The following RHPN2 variants were observed in gnomAD, a reference collection of about 807,000 sequenced individuals.
RHPN2 encodes the protein rhophilin-2.
Under a neutral mutation model 79.0 loss-of-function variants are expected in RHPN2, and 40 were observed. The observed-to-expected ratio is 0.51, with a 90% CI of 0.39 to 0.66. RHPN2 has a LOEUF of 0.66. RHPN2 is among the 30% of genes least tolerant of loss of function. RHPN2 has a pLI of 0.00. For missense variants in RHPN2, 686 were observed against 883.5 expected, an observed-to-expected ratio of 0.78 and a Z score of 2.83; for synonymous variants, 285 against 363.5, an observed-to-expected ratio of 0.78 and a Z score of 2.46.
intron 1 of RHPN2, among the ~76,000 whole-genome samples, chr19:33,048,970 T>C (rs1972166222): frequency 6.6e-6 from 1 of 152,118 alleles, no homozygotes; most frequent in Non-Finnish European, 1.5e-5. Flanking sequence ...GAATGTTTTT[T>C]TTTCTGTTCG....
chr19:33,019,184 C>A (rs1202947942), intron 4 of RHPN2, among the ~76,000 whole-genome samples: 1 of 152,140 alleles, frequency 6.6e-6, no homozygotes, highest in Non-Finnish European at 1.5e-5. Flanking sequence ...GTGGCTCATG[C>A]CTATAATCCC....
intron 10 of RHPN2, 51 bp from the exon 11 acceptor site, chr19:32,996,271 C>T: frequency 6.2e-7 from 1 of 1,603,534 alleles, no homozygotes; most frequent in South Asian, 1.1e-5. Context: ...CCAAGCAGAG[C>T]ATAAAGGCCC....
chr19:33,013,952 G>A (rs1325520055), intron 4 of RHPN2, among the ~76,000 whole-genome samples: 1 of 151,868 alleles, frequency 6.6e-6, no homozygotes, highest in Non-Finnish European at 1.5e-5. Context: ...GCGGCTCACT[G>A]CAGCCTCAAC....
chr19:33,046,091 C>CCATTCATCATTCATCATTCAT (rs61259305), intron 1 of RHPN2, among the ~76,000 whole-genome samples: 1 of 151,452 alleles, frequency 6.6e-6, no homozygotes, highest in Non-Finnish European at 1.5e-5. Flanking sequence ...TGTACTTTAT[C>CCATTCATCATTCATCATTCAT]CATTCATCAT....
At chr19:33,042,035 T>C (rs1283435755) in intron 2 of RHPN2, among the ~76,000 whole-genome samples, 1 of 151,840 alleles carries the variant, frequency 6.6e-6, no homozygotes, top group Non-Finnish European at 1.5e-5. Context: ...CTTTAAAAAA[T>C]TCAATTAGCC....
chr19:33,059,087 T>C (rs914059017), intron 1 of RHPN2, among the ~76,000 whole-genome samples: 2 of 150,316 alleles, frequency 1.3e-5, no homozygotes, highest in Non-Finnish European at 2.9e-5. Context: ...AGAGCAAGAC[T>C]CTGTCTCAAA....
chr19:33,055,746 A>AAC (rs1555715193), intron 1 of RHPN2, among the ~76,000 whole-genome samples: 39 of 150,874 alleles, frequency 2.6e-4, no homozygotes, highest in Admixed American at 1.1e-3. Flanking sequence ...AAAAAAAAAA[A>AAC]AACAACAACA....
Position 32,979,714 on chromosome 19 carries a change from T to G in RHPN2, c.*282A>C. The G allele has an allele frequency of 2.5e-6, 1 of 401,650 alleles. No individual in the cohort carries two copies. Among genetic ancestry groups the G allele is most frequent in the South Asian group, 2.9e-5 (1 of 34,678 alleles). 24.9% of individuals were successfully genotyped at this position (401,650 alleles called of 1,614,324 possible). On this transcript the variant is annotated 3_prime_UTR_variant, in exon 15 of 15. Coordinates refer to ENST00000254260, the MANE Select transcript of RHPN2 (RefSeq NM_033103.5). The stretch of plus-strand genomic sequence containing the variant: ...AAGTCATAATTGTCACCATTAAAAA[T>G]AGCCATATTTCATATCTTCAACACT...
intron 1 of RHPN2, among the ~76,000 whole-genome samples, chr19:33,054,248 C>G (rs1000776864): frequency 6.8e-6 from 1 of 147,550 alleles, no homozygotes; most frequent in African/African-American, 2.5e-5. Flanking sequence ...CCCAGCAGGC[C>G]GGAGTGCAGT....
At chr19:33,047,808 A>G (rs1972153944) in intron 1 of RHPN2, among the ~76,000 whole-genome samples, 1 of 152,138 alleles carries the variant, frequency 6.6e-6, no homozygotes, top group Non-Finnish European at 1.5e-5. Context: ...GCACTTTGAG[A>G]GGCTGAGGCC....
At chr19:33,008,269 A>G (rs1481844306) in intron 6 of RHPN2, 89 bp from the exon 7 acceptor site, 2 of 1,153,212 alleles carry the variant, frequency 1.7e-6, no homozygotes, top group Admixed American at 4.1e-5. Flanking sequence ...TTTTTTTTTA[A>G]GAGTCAATAT....
intron 6 of RHPN2, among the ~76,000 whole-genome samples, chr19:33,008,456 T>C (rs911475694): frequency 6.6e-6 from 1 of 151,614 alleles, no homozygotes; most frequent in African/African-American, 2.4e-5. Flanking sequence ...ATGGGGTCTA[T>C]GTTACCCAAA....
Position 32,979,563 on chromosome 19 carries a change from A to G in RHPN2, c.*433T>C, listed in dbSNP as rs1477991287. The G allele has an allele frequency of 5.7e-6, 1 of 174,270 alleles. No individual in the cohort carries two copies. Among genetic ancestry groups the G allele is most frequent in the Non-Finnish European group, 1.2e-5 (1 of 80,994 alleles). 10.8% of individuals were successfully genotyped at this position (174,270 alleles called of 1,614,324 possible). A position where few individuals can be genotyped will look rare whatever the true frequency, so the allele number is the denominator to read the frequency against. On this transcript the variant is annotated 3_prime_UTR_variant, in exon 15 of 15. Transcript: ENST00000254260. ...GTGACACTAATTTAATTCTATCATT[A>G]CAGTCCTCTGACCTGCCTTAATTCC...
At chr19:33,012,784 A>G in intron 4 of RHPN2, 60 bp from the exon 5 acceptor site, 1 of 924,524 alleles carries the variant, frequency 1.1e-6, no homozygotes, top group Middle Eastern at 2.1e-4. Flanking sequence ...TGTGTGCATA[A>G]TAGTAATATG....
chr19:33,037,609 GGAACAACTCCAGAC>G (rs528134177), intron 2 of RHPN2, among the ~76,000 whole-genome samples: 145 of 152,190 alleles, frequency 9.5e-4, no homozygotes, highest in Admixed American at 1.6e-3. Flanking sequence ...CCGGGAGGAA[GGAACAACTCCAGAC>G]GAACAACTCC....
intron 14 of RHPN2, among the ~76,000 whole-genome samples, chr19:32,989,505 G>A (rs1971637991): frequency 6.6e-6 from 1 of 152,178 alleles, no homozygotes; most frequent in African/African-American, 2.4e-5. Context: ...ACTGCCTCTA[G>A]GGCGTACAGA....
rs71176188 is a variant in RHPN2 at position 33,057,695 on chromosome 19, GA to G, written c.69+7088del. Among the ~76,000 whole-genome samples the G allele has an allele frequency of 6.4e-3, 911 of 141,750 alleles. 5 individuals carry two copies. Among genetic ancestry groups the G allele is most frequent in the African/African-American group, 0.014 (549 of 38,148 alleles). 93.0% of individuals were successfully genotyped at this position (141,750 alleles called of 152,430 possible). On this transcript the variant is annotated intron_variant, in intron 1 of 14. Coordinates refer to ENST00000254260, the MANE Select transcript of RHPN2 (RefSeq NM_033103.5). Reference sequence around the variant, plus strand: ...CATCTCAAAAAAAAAAAAAAAGATAGAAAAAAAAAAATAGACCTGAAAGGTT... The same window carrying G: ...CATCTCAAAAAAAAAAAAAAAGATAGAAAAAAAAAATAGACCTGAAAGGTT...
chr19:33,017,703 TA>T (rs758409340), intron 4 of RHPN2, among the ~76,000 whole-genome samples: 17,520 of 98,126 alleles, frequency 0.18, 2,395 homozygotes, highest in East Asian at 0.27. Flanking sequence ...CCCCATCTCT[TA>T]AAAAAAAAAA....
chr19:33,054,892 C>G (rs551044939), intron 1 of RHPN2, among the ~76,000 whole-genome samples: 4 of 152,164 alleles, frequency 2.6e-5, no homozygotes, highest in Non-Finnish European at 5.9e-5. Flanking sequence ...TGTCTCTCCT[C>G]TGAGTCACCC....
Sources: allele counts gnomAD v4.1 joint callset (sites outside exome capture counted in the v4.1 genomes callset), GRCh38; gene constraint gnomAD v4.1.1; transcripts MANE v1.5; gene names NCBI Gene and HGNC (gene_info 2026-07-23, HGNC 2026-07-21).